The following LCORL variants were observed in gnomAD, a reference collection of about 807,000 sequenced individuals.
LCORL encodes the protein ligand-dependent nuclear receptor corepressor-like protein.
In LCORL, 41 loss-of-function variants were observed where a neutral mutation model predicts 141.8. That is an observed-to-expected ratio of 0.29 (90% confidence interval 0.23 to 0.38). The LOEUF (loss-of-function observed/expected upper bound fraction) is 0.38. LCORL is among the 10% of genes least tolerant of loss of function. LCORL has a pLI of 1.00. For synonymous variants in LCORL, 618 were observed against 694.1 expected (o/e 0.89, Z 1.72); for missense variants, 1,759 against 2,035.0 (o/e 0.86, Z 2.61).
intron 2 of LCORL, among the ~76,000 whole-genome samples, chr4:17,970,556 T>A (rs1715730830): frequency 6.6e-6 from 1 of 152,160 alleles, no homozygotes; most frequent in South Asian, 2.1e-4. Context: ...ACATAACAGC[T>A]GCAAACCTGT....
At chr4:18,015,667 C>T (rs1180826266) in intron 1 of LCORL, among the ~76,000 whole-genome samples, 1 of 151,792 alleles carries the variant, frequency 6.6e-6, no homozygotes. Context: ...CCAGTCCCAT[C>T]AATCCAGATT....
chr4:17,851,728 T>C (rs970822734), intron 7 of LCORL, among the ~76,000 whole-genome samples: 1 of 152,190 alleles, frequency 6.6e-6, no homozygotes, highest in Non-Finnish European at 1.5e-5. Context: ...AGGGTGCTTT[T>C]ACATTTTTGA....
At chr4:17,842,448 C>A in exon 8 of LCORL, 1 of 1,289,234 alleles carries the variant, frequency 7.8e-7, no homozygotes, top group Non-Finnish European at 1.1e-6. Context: ...TAGAAAAAAA[C>A]TAATTTTCTT....
chr4:18,003,606 G>C (rs544615102), intron 1 of LCORL, among the ~76,000 whole-genome samples: 1 of 152,274 alleles, frequency 6.6e-6, no homozygotes, highest in African/African-American at 2.4e-5. Context: ...ATACCTGAGA[G>C]ACATACAAGT....
chr4:17,909,526 A>C (rs1386365892), intron 4 of LCORL, among the ~76,000 whole-genome samples, 181 bp from the exon 5 acceptor site: 1 of 152,160 alleles, frequency 6.6e-6, no homozygotes, highest in East Asian at 1.9e-4. Context: ...TTATAATAAT[A>C]TATCAACCAA....
chr4:17,922,701 G>T (rs1191830866), intron 4 of LCORL, among the ~76,000 whole-genome samples: 1 of 152,088 alleles, frequency 6.6e-6, no homozygotes, highest in Admixed American at 6.5e-5. Flanking sequence ...ACACAGCCTC[G>T]CAAGGTATCT....
chr4:18,014,930 G>C (rs1724408228), intron 1 of LCORL, among the ~76,000 whole-genome samples: 1 of 152,018 alleles, frequency 6.6e-6, no homozygotes, highest in African/African-American at 2.4e-5. Flanking sequence ...TAAAATTTTG[G>C]ACCTATGTCC....
At position 17,934,191 on chromosome 4, in the gene LCORL, C is replaced by T. The variant is rs1456689194; in HGVS notation, c.431-24846G>A. On this transcript the variant is annotated intron_variant, in intron 4 of 7. Coordinates refer to ENST00000635767, the Ensembl canonical transcript of LCORL. ...CAAATCCACAAAACTGTACAACATA[C>T]ACAAACTGATTCTGATGTAAACTAT... is the stretch of plus-strand genomic sequence containing the variant. Among the ~76,000 whole-genome samples, 6 of 152,008 alleles carry T rather than the reference C, an allele frequency of 3.9e-5. No individual in the cohort carries two copies. The South Asian group carries it at 1.2e-3, about 32-fold the overall frequency.
In LCORL at chr4:17,940,017, TGC is replaced by T. The variant is rs201112461; in HGVS notation, c.430+21884_430+21885del. The stretch of plus-strand genomic sequence containing the variant: ...GCATATATACACTATATGGTATATA[TGC>T]ATATATACACCATATGCATATATAT... On this transcript the variant is annotated intron_variant, in intron 4 of 7. Transcript: ENST00000635767. Among the ~76,000 whole-genome samples, 888 of 149,656 alleles carry T rather than the reference TGC, an allele frequency of 5.9e-3. 18 individuals carry two copies. Among genetic ancestry groups the T allele is most frequent in the African/African-American group, 0.021 (843 of 40,866 alleles).
At chr4:17,958,407 C>A (rs971653399) in intron 4 of LCORL, among the ~76,000 whole-genome samples, 8 of 151,906 alleles carry the variant, frequency 5.3e-5, no homozygotes, top group African/African-American at 1.9e-4. Flanking sequence ...AGTCCAGCAG[C>A]CTTCAATTTA....
At chr4:17,983,378 T>C (rs1718360104) in intron 1 of LCORL, among the ~76,000 whole-genome samples, 2 of 152,190 alleles carry the variant, frequency 1.3e-5, no homozygotes, top group Non-Finnish European at 2.9e-5. Context: ...TTAATGATAT[T>C]GATTCTTCCT....
At chr4:17,926,993 AAGCCCT>A (rs2109401625) in intron 4 of LCORL, among the ~76,000 whole-genome samples, 1 of 152,310 alleles carries the variant, frequency 6.6e-6, no homozygotes, top group South Asian at 2.1e-4. Context: ...CTAGCTATGA[AAGCCCT>A]AGACGGCGTC....
chr4:17,925,259 C>A (rs1381377329), intron 4 of LCORL, among the ~76,000 whole-genome samples: 1 of 152,168 alleles, frequency 6.6e-6, no homozygotes, highest in Non-Finnish European at 1.5e-5. Context: ...TACTGCTCCA[C>A]AGTGGAGGTA....
chr4:18,007,001 T>C (rs1319127281), intron 1 of LCORL, among the ~76,000 whole-genome samples: 3 of 152,148 alleles, frequency 2.0e-5, no homozygotes, highest in Admixed American at 6.6e-5. Flanking sequence ...ACAACTAAAA[T>C]CCGTTTATTG....
intron 1 of LCORL, among the ~76,000 whole-genome samples, chr4:17,987,570 T>C (rs1431913291): frequency 1.3e-5 from 2 of 152,196 alleles, no homozygotes; most frequent in African/African-American, 4.8e-5. Context: ...AGGAATATAA[T>C]TGCTGGGTCA....
intron 1 of LCORL, among the ~76,000 whole-genome samples, chr4:17,988,263 G>A (rs1001383876): frequency 5.9e-5 from 9 of 152,024 alleles, no homozygotes; most frequent in South Asian, 2.1e-4. Flanking sequence ...GCCCAGTCTC[G>A]GGTATGTCTT....
At chr4:17,903,970 A>T (rs1008209220) in intron 5 of LCORL, among the ~76,000 whole-genome samples, 2 of 152,078 alleles carry the variant, frequency 1.3e-5, no homozygotes, top group Admixed American at 6.5e-5. Context: ...AGAAAACCCT[A>T]AAGGTTATCA....
intron 1 of LCORL, among the ~76,000 whole-genome samples, chr4:18,005,298 T>C (rs1229403823): frequency 1.3e-5 from 2 of 152,198 alleles, no homozygotes; most frequent in African/African-American, 2.4e-5. Flanking sequence ...TGGGTTCCCA[T>C]GGTCTTGGGC....
chr4:17,857,304 T>C (rs1053672042), intron 7 of LCORL, among the ~76,000 whole-genome samples: 8 of 152,122 alleles, frequency 5.3e-5, no homozygotes, highest in African/African-American at 1.9e-4. Flanking sequence ...CAGACAGATC[T>C]GCAGAGGATT....
Sources: gnomAD v4.1 joint callset for allele counts (sites outside exome capture counted in the v4.1 genomes callset) on GRCh38, gnomAD v4.1.1 for gene constraint, MANE v1.5 for transcripts, NCBI Gene and HGNC (gene_info 2026-07-23, HGNC 2026-07-21) for gene names.